IL2RB: variants seen among roughly 807,000 people sequenced by gnomAD.
IL2RB encodes interleukin-2 receptor subunit beta.
IL2RB carries 17 observed loss-of-function variants against 44.2 expected under a neutral mutation model. That is an observed-to-expected ratio of 0.38 (90% CI 0.26 to 0.58). The LOEUF (loss-of-function observed/expected upper bound fraction) is 0.58. IL2RB is among the 20% of genes least tolerant of loss of function. IL2RB has a pLI of 0.63. For synonymous variants in IL2RB, 286 were observed against 297.9 expected (o/e 0.96, Z 0.41); for missense variants, 624 against 685.5 (o/e 0.91, Z 1.00).
intron 1 of IL2RB, among the ~76,000 whole-genome samples, chr22:37,145,873 T>C (rs1238609839): frequency 6.6e-6 from 1 of 151,936 alleles, no homozygotes; most frequent in East Asian, 1.9e-4. Context: ...GGCTCCAAAC[T>C]CGAGCTCTCA....
At chr22:37,171,908 G>A (rs1367494995) in intron 1 of IL2RB, among the ~76,000 whole-genome samples, 1 of 152,126 alleles carries the variant, frequency 6.6e-6, no homozygotes, top group African/African-American at 2.4e-5. Context: ...CTTTGAGCTC[G>A]CTACTCTTGC....
chr22:37,142,563 T>C, intron 3 of IL2RB, 51 bp from the exon 4 acceptor site: 1 of 1,559,566 alleles, frequency 6.4e-7, no homozygotes, highest in Non-Finnish European at 8.8e-7. Context: ...CCCACACAGC[T>C]GGCCCAAGGG....
chr22:37,160,147 C>T (rs1490858444), intron 1 of IL2RB, among the ~76,000 whole-genome samples: 1 of 152,214 alleles, frequency 6.6e-6, no homozygotes, highest in African/African-American at 2.4e-5. Flanking sequence ...CCAGGCACAC[C>T]CTTACTGATT....
chr22:37,158,573 G>A (rs566269087), intron 1 of IL2RB, among the ~76,000 whole-genome samples: 67 of 152,212 alleles, frequency 4.4e-4, no homozygotes, highest in African/African-American at 1.6e-3. Flanking sequence ...AATAGGAAGG[G>A]GAGGCTCTCT....
At chr22:37,168,226 A>G (rs1923145461) in intron 1 of IL2RB, among the ~76,000 whole-genome samples, 1 of 152,254 alleles carries the variant, frequency 6.6e-6, no homozygotes, top group Middle Eastern at 3.2e-3. Context: ...AAAGAAAGTA[A>G]CAAGACAGAA....
chr22:37,164,569 G>A (rs1286017340), intron 1 of IL2RB, among the ~76,000 whole-genome samples: 1 of 152,084 alleles, frequency 6.6e-6, no homozygotes, highest in Non-Finnish European at 1.5e-5. Flanking sequence ...TGGACATTCA[G>A]GTGAGTGGGC....
At chr22:37,135,470 G>A in intron 7 of IL2RB, 28 bp from the exon 8 acceptor site, 3 of 1,475,278 alleles carry the variant, frequency 2.0e-6, no homozygotes, top group Non-Finnish European at 2.8e-6. Flanking sequence ...AAACAGCAAG[G>A]AGAGGGGTTA....
intron 3 of IL2RB, among the ~76,000 whole-genome samples, chr22:37,142,939 C>G (rs978292439): frequency 6.6e-6 from 1 of 152,042 alleles, no homozygotes; most frequent in Non-Finnish European, 1.5e-5. Context: ...TCCCCCACCC[C>G]ACACCCTATG....
intron 1 of IL2RB, among the ~76,000 whole-genome samples, chr22:37,156,278 C>T (rs534865635): frequency 6.6e-6 from 1 of 152,366 alleles, no homozygotes; most frequent in East Asian, 1.9e-4. Context: ...AGCTCACCCG[C>T]GTGCTGCCAT....
chr22:37,137,948 T>G (rs1254767993), intron 5 of IL2RB, among the ~76,000 whole-genome samples: 1 of 152,084 alleles, frequency 6.6e-6, no homozygotes, highest in East Asian at 1.9e-4. Context: ...GCATCCCCCT[T>G]GCCTGTTTCA....
intron 1 of IL2RB, among the ~76,000 whole-genome samples, chr22:37,167,280 C>T (rs1296763085): frequency 6.6e-6 from 1 of 152,076 alleles, no homozygotes; most frequent in Non-Finnish European, 1.5e-5. Context: ...CTCTGACTGC[C>T]TCCAAGTGCC....
chr22:37,129,308 G>T (rs1569040278), intron 9 of IL2RB, among the ~76,000 whole-genome samples: 1 of 152,242 alleles, frequency 6.6e-6, no homozygotes, highest in Non-Finnish European at 1.5e-5. Flanking sequence ...CAGATGCCCA[G>T]AGACGGGACA....
intron 1 of IL2RB, among the ~76,000 whole-genome samples, chr22:37,164,334 G>A (rs141074530): frequency 7.0e-4 from 107 of 152,148 alleles, no homozygotes; most frequent in Admixed American, 2.0e-3. Flanking sequence ...AGTGAGGAGG[G>A]GGCACGGGGG....
chr22:37,157,654 C>T (rs1435502552), intron 1 of IL2RB, among the ~76,000 whole-genome samples: 1 of 152,180 alleles, frequency 6.6e-6, no homozygotes, highest in East Asian at 1.9e-4. Flanking sequence ...AATCAGCTCC[C>T]CGATTTAAAA....
chr22:37,141,158 G>A lies in IL2RB; in HGVS notation c.282+1276C>T, dbSNP rs1041744286. Among the ~76,000 whole-genome samples, 6 of 152,058 alleles carry A rather than the reference G, an allele frequency of 3.9e-5. No individual in the cohort carries two copies. Among genetic ancestry groups the A allele is most frequent in the African/African-American group, 7.2e-5 (3 of 41,496 alleles). ...GGGGCTGGGATCAGGCAAGAGCCCC[G>A]CTCTCCTGGGCGCAGCTGCAGCCAC... On this transcript the variant is annotated intron_variant, in intron 4 of 9. Coordinates refer to ENST00000216223, the MANE Select transcript of IL2RB (RefSeq NM_000878.5). The surrounding 1 kb of genome is among the most constrained non-coding windows in gnomAD (Gnocchi z 4.4).
upstream of IL2RB, among the ~76,000 whole-genome samples, chr22:37,152,062 G>A (rs1298850222): frequency 6.6e-6 from 1 of 152,122 alleles, no homozygotes; most frequent in Non-Finnish European, 1.5e-5. Context: ...CATCTTTTGT[G>A]GTTCCATATA....
At position 37,142,446 on chromosome 22, in the gene IL2RB, G is replaced by A. The variant is rs760939018; in HGVS notation, c.270C>T (p.Leu90=). Residue 90 remains leucine (L), a synonymous_variant, in exon 4 of 10, where the codon CTC becomes CTT. Transcript: ENST00000216223. ...SQASWACNLI[L]GAPDSQKLTT... is the part of the protein sequence containing the mutation. Reference sequence around the variant, plus strand: ...GTGGGCTACTCACATCTGGGGCTCCGAGGATCAGGTTGCAGGCCCAGGATG... The same window carrying A: ...GTGGGCTACTCACATCTGGGGCTCCAAGGATCAGGTTGCAGGCCCAGGATG... 15 of 1,613,968 alleles carry A rather than the reference G, an allele frequency of 9.3e-6. No individual in the cohort carries two copies. Among genetic ancestry groups the A allele is most frequent in the South Asian group, 7.7e-5 (7 of 91,082 alleles).
chr22:37,126,156 A>C lies in IL2RB; in HGVS notation c.*1940T>G, dbSNP rs1448001493. The C allele has an allele frequency of 1.3e-5, 2 of 152,156 alleles. No homozygotes were observed. The highest frequency in any genetic ancestry group is 1.3e-4 in the Admixed American group (2 of 15,278). 9.4% of individuals were successfully genotyped at this position (152,156 alleles called of 1,614,324 possible). A position where few individuals can be genotyped will look rare whatever the true frequency, so the allele number is the denominator to read the frequency against. On this transcript the variant is annotated 3_prime_UTR_variant, in exon 10 of 10. Coordinates refer to ENST00000216223, the MANE Select transcript of IL2RB (RefSeq NM_000878.5). ...GGGATAAGGAGACCGACTTGCAGAGAGGATTAGTAGGTTGCCCCAGAACAC... is the reference window on the plus strand; with the variant it reads ...GGGATAAGGAGACCGACTTGCAGAGCGGATTAGTAGGTTGCCCCAGAACAC...
intron 1 of IL2RB, among the ~76,000 whole-genome samples, chr22:37,166,270 C>G (rs1923075852): frequency 6.6e-6 from 1 of 152,178 alleles, no homozygotes; most frequent in African/African-American, 2.4e-5. Flanking sequence ...GCCTCCCCGC[C>G]CCCCCACCTC....
Sources: gnomAD v4.1 joint callset for allele counts (sites outside exome capture counted in the v4.1 genomes callset) on GRCh38, gnomAD v4.1.1 for gene constraint, Gnocchi (gnomAD v3.1) non-coding constraint, MANE v1.5 for transcripts, NCBI Gene and HGNC (gene_info 2026-07-23, HGNC 2026-07-21) for gene names.